Variants in PDE11A observed in about 807,000 individuals in gnomAD.
PDE11A encodes the protein dual 3',5'-cyclic-AMP and -GMP phosphodiesterase 11A.
PDE11A carries 100 observed loss-of-function variants against 100.5 expected under a neutral mutation model. That is an observed-to-expected ratio of 1.00 (90% confidence interval 0.85 to 1.18). The LOEUF is 1.18. Among genes scored for constraint, PDE11A ranks in the 50% most tolerant of loss-of-function variants. PDE11A has a pLI of 0.00. For missense variants in PDE11A, 1,141 were observed against 1,152.6 expected (o/e 0.99, Z 0.15); for synonymous variants, 381 against 420.8 (o/e 0.91, Z 1.16).
chr2:177,656,069 ACCACTT>A (rs2080378637), intron 19 of PDE11A, among the ~76,000 whole-genome samples: 3 of 152,170 alleles, frequency 2.0e-5, no homozygotes. Flanking sequence ...TGAGAACTAA[ACCACTT>A]TATAAAAAGA....
chr2:177,809,588 A>G (rs200619999), intron 9 of PDE11A, among the ~76,000 whole-genome samples: 1 of 86,884 alleles, frequency 1.2e-5, no homozygotes, highest in South Asian at 3.6e-4. Context: ...TTGCCCTTTC[A>G]TCCTACCTCC....
At chr2:178,062,929 C>T (rs1225867013) in intron 1 of PDE11A, among the ~76,000 whole-genome samples, 1 of 152,182 alleles carries the variant, frequency 6.6e-6, no homozygotes, top group Non-Finnish European at 1.5e-5. Context: ...ACTTAGCCTA[C>T]TAAATTATTA....
At chr2:177,892,607 A>G (rs1239066050) in intron 4 of PDE11A, among the ~76,000 whole-genome samples, 1 of 152,206 alleles carries the variant, frequency 6.6e-6, no homozygotes, top group African/African-American at 2.4e-5. Context: ...TCAGATTTAG[A>G]CTCATTTAAT....
intron 4 of PDE11A, among the ~76,000 whole-genome samples, chr2:177,889,997 G>C (rs2084504861): frequency 6.6e-6 from 1 of 152,036 alleles, no homozygotes; most frequent in Non-Finnish European, 1.5e-5. Context: ...AATAATGGAT[G>C]GGGAGGGTGA....
At chr2:177,638,115 T>G (rs1392772641) in intron 19 of PDE11A, among the ~76,000 whole-genome samples, 1 of 150,364 alleles carries the variant, frequency 6.7e-6, no homozygotes, top group Non-Finnish European at 1.5e-5. Context: ...TTCTCCTGCC[T>G]CAGCCTCCTG....
chr2:177,874,133 A>C (rs898487053), intron 5 of PDE11A, among the ~76,000 whole-genome samples: 1 of 152,178 alleles, frequency 6.6e-6, no homozygotes, highest in Non-Finnish European at 1.5e-5. Context: ...TGGTTATGGA[A>C]TCAAAGTTCA....
At chr2:177,955,154 G>A (rs2085546725) in intron 2 of PDE11A, among the ~76,000 whole-genome samples, 1 of 152,122 alleles carries the variant, frequency 6.6e-6, no homozygotes, top group Non-Finnish European at 1.5e-5. Flanking sequence ...TTTTTCCCGG[G>A]TAGGAATAAT....
chr2:177,773,078 T>C (rs1024468642), intron 9 of PDE11A, among the ~76,000 whole-genome samples: 5 of 152,154 alleles, frequency 3.3e-5, no homozygotes, highest in Non-Finnish European at 7.3e-5. Context: ...TGGAGTACAG[T>C]GGCATGATTT....
intron 10 of PDE11A, among the ~76,000 whole-genome samples, chr2:177,737,130 C>A (rs1005987915): frequency 1.3e-5 from 2 of 152,066 alleles, no homozygotes; most frequent in Admixed American, 1.3e-4. Context: ...ATCCCAGGTA[C>A]TCTGGAGACT....
intron 19 of PDE11A, among the ~76,000 whole-genome samples, chr2:177,640,507 G>A (rs1241282380): frequency 6.6e-6 from 1 of 152,214 alleles, no homozygotes; most frequent in East Asian, 1.9e-4. Flanking sequence ...GCATCTTCAA[G>A]AAACAGCTTC....
intron 12 of PDE11A, among the ~76,000 whole-genome samples, chr2:177,726,019 T>C (rs2081594673): frequency 6.6e-6 from 1 of 152,184 alleles, no homozygotes; most frequent in East Asian, 1.9e-4. Flanking sequence ...GCCAGACATA[T>C]GAAATCTGTA....
chr2:177,636,153 A>G (rs2080035117), intron 19 of PDE11A, among the ~76,000 whole-genome samples: 1 of 152,108 alleles, frequency 6.6e-6, no homozygotes, highest in African/African-American at 2.4e-5. Context: ...ATACTAACAA[A>G]AGAGAGGGAA....
intron 9 of PDE11A, among the ~76,000 whole-genome samples, chr2:177,814,849 T>C (rs2083011405): frequency 6.6e-6 from 1 of 151,786 alleles, no homozygotes; most frequent in Non-Finnish European, 1.5e-5. Context: ...GGGGTAGGAG[T>C]AGTGCCAGTG....
At chr2:177,953,915 G>A (rs1472351021) in intron 2 of PDE11A, among the ~76,000 whole-genome samples, 1 of 151,986 alleles carries the variant, frequency 6.6e-6, no homozygotes, top group African/African-American at 2.4e-5. Context: ...TTGCAAAATC[G>A]AATAATGCTA....
intron 19 of PDE11A, among the ~76,000 whole-genome samples, chr2:177,647,652 C>T (rs773605342): frequency 2.6e-5 from 4 of 152,146 alleles, no homozygotes; most frequent in Non-Finnish European, 5.9e-5. Flanking sequence ...CGGGGAGGAA[C>T]CATCAAGTCC....
intron 9 of PDE11A, among the ~76,000 whole-genome samples, chr2:177,800,678 AC>A (rs1159672340): frequency 6.6e-6 from 1 of 152,210 alleles, no homozygotes; most frequent in Admixed American, 6.5e-5. Flanking sequence ...GGTGAACCAG[AC>A]CCATAGACAT....
chr2:177,634,668 G>A (rs771768631), intron 19 of PDE11A, among the ~76,000 whole-genome samples: 2 of 152,130 alleles, frequency 1.3e-5, no homozygotes, highest in Non-Finnish European at 2.9e-5. Flanking sequence ...GATTACAGGC[G>A]TGAGCCACCG....
At chr2:177,913,271 C>T (rs908480162) in intron 2 of PDE11A, among the ~76,000 whole-genome samples, 8 of 152,002 alleles carry the variant, frequency 5.3e-5, no homozygotes, top group Non-Finnish European at 1.0e-4. Context: ...TAAATCTCTC[C>T]GAATCCCATT....
At chr2:177,866,613 T>C (rs1260606522) in intron 5 of PDE11A, among the ~76,000 whole-genome samples, 1 of 152,154 alleles carries the variant, frequency 6.6e-6, no homozygotes, top group African/African-American at 2.4e-5. Flanking sequence ...GTACAAGACT[T>C]GAGGAATGTA....
Sources: gnomAD v4.1 joint callset for allele counts (sites outside exome capture counted in the v4.1 genomes callset) on GRCh38, gnomAD v4.1.1 for gene constraint, MANE v1.5 for transcripts, NCBI Gene and HGNC (gene_info 2026-07-23, HGNC 2026-07-21) for gene names.